The following RNF168 variants were observed in gnomAD, a reference collection of about 807,000 sequenced individuals.
RNF168 encodes ring finger protein 168.
A neutral mutation model predicts 34.9 loss-of-function variants in RNF168; 34 were observed. The ratio of observed to expected loss-of-function variants is 0.97; its 90% CI spans 0.74 to 1.30. RNF168 has a LOEUF of 1.30. Among genes scored for constraint, RNF168 ranks in the 50% most tolerant of loss-of-function variants. The pLI is 0.00. For missense variants in RNF168, 725 were observed against 682.5 expected, an observed-to-expected ratio of 1.06 and a Z score of -0.69; for synonymous variants, 264 against 254.7, an observed-to-expected ratio of 1.04 and a Z score of -0.35.
intron 5 of RNF168, among the ~76,000 whole-genome samples, chr3:196,474,502 C>T (rs1367140040): frequency 2.0e-5 from 3 of 146,600 alleles, no homozygotes; most frequent in Non-Finnish European, 4.5e-5. Flanking sequence ...GGCTGGAGGG[C>T]AACGGCACGA....
chr3:196,485,489 CAA>C (rs63692263), intron 3 of RNF168, among the ~76,000 whole-genome samples: 77 of 145,470 alleles, frequency 5.3e-4, no homozygotes, highest in Non-Finnish European at 5.3e-4. Flanking sequence ...ACTCTTGTCT[CAA>C]AAAAAAAAAA....
rs1321371336 is a variant in RNF168, at chr3:196,469,700, AG to A, written c.*2118del. On this transcript the variant is annotated 3_prime_UTR_variant, in exon 6 of 6. Transcript: ENST00000318037. ...CTGATTTAACTTTCAGGAGTAAGAA[AG>A]GGCAAAACCCAAGCACCATACTTTC... The A allele has an allele frequency of 6.6e-6, 1 of 152,334 alleles. No homozygotes were observed. Among genetic ancestry groups the A allele is most frequent in the Admixed American group, 6.5e-5 (1 of 15,304 alleles). 9.4% of individuals were successfully genotyped at this position (152,334 alleles called of 1,614,324 possible). A position where few individuals can be genotyped will look rare whatever the true frequency, so the allele number is the denominator to read the frequency against.
At chr3:196,482,818 T>C (rs992107610) in intron 4 of RNF168, among the ~76,000 whole-genome samples, 3 of 152,226 alleles carry the variant, frequency 2.0e-5, no homozygotes, top group Admixed American at 2.0e-4. Context: ...TTATAAGAGT[T>C]TTCATATATT....
rs773735709 is a variant in RNF168 at position 196,472,564 on chromosome 3, T to G, written c.971A>C (p.Glu324Ala). The G allele has an allele frequency of 5.6e-6, 9 of 1,614,122 alleles. No homozygotes were observed. In the East Asian group the frequency reaches 1.8e-4, roughly 32 times the overall value. The change falls in exon 6 of 6, where the codon GAG (glutamate) becomes GCG (alanine). Residue 324 changes from glutamate (E) to alanine (A), a missense_variant. Coordinates refer to ENST00000318037, the MANE Select transcript of RNF168 (RefSeq NM_152617.4). ...VKTRPSNHGK[E>A]LCVLSHERPK... ...TCGCTCGTGACTTAAGACACATAAC[T>G]CTTTCCCATGATTGCTTGGTCTTGT...
intron 1 of RNF168, 101 bp downstream of exon 1, chr3:196,502,772 G>C (rs1020996867): frequency 1.0e-6 from 1 of 996,024 alleles, no homozygotes; most frequent in African/African-American, 1.6e-5. Flanking sequence ...AATACTAGTC[G>C]GGTTTTTTGG....
chr3:196,500,519 G>C (rs1327406224), intron 1 of RNF168, among the ~76,000 whole-genome samples: 1 of 152,168 alleles, frequency 6.6e-6, no homozygotes, highest in Admixed American at 6.5e-5. Flanking sequence ...GGAACGGTGA[G>C]CCTCAAGGGT....
At chr3:196,484,639 G>T (rs950517931) in intron 3 of RNF168, among the ~76,000 whole-genome samples, 1 of 151,806 alleles carries the variant, frequency 6.6e-6, no homozygotes, top group Admixed American at 6.6e-5. Context: ...GAGCCACCAG[G>T]CTTGGTTAGG....
intron 4 of RNF168, among the ~76,000 whole-genome samples, chr3:196,481,027 A>G (rs1732274344): frequency 6.6e-6 from 1 of 152,138 alleles, no homozygotes; most frequent in Admixed American, 6.5e-5. Flanking sequence ...ACATTTTACA[A>G]TTGACTTTTT....
At chr3:196,491,149 C>A (rs1004446800) in intron 1 of RNF168, among the ~76,000 whole-genome samples, 12 of 151,902 alleles carry the variant, frequency 7.9e-5, no homozygotes, top group African/African-American at 2.4e-4. Flanking sequence ...CCCGTCTATA[C>A]TAAGAATACA....
rs560054168 is a variant in RNF168, at chr3:196,481,600, A to C, written c.680+2170T>G. 4.6e-5 allele frequency among the ~76,000 whole-genome samples: 7 copies of C among 151,588 alleles called. No homozygotes were observed. The South Asian group carries it at 1.5e-3, about 32-fold the overall frequency. ...TATTTCATATTTATACAGCTAATTG[A>C]ATAACTTACAGTGATTCATTTTCTA... On this transcript the variant is annotated intron_variant, in intron 4 of 5. Transcript: ENST00000318037.
Position 196,503,237 on chromosome 3 carries a change from C to G in RNF168, c.-64G>C, listed in dbSNP as rs1732948094. The G allele has an allele frequency of 6.9e-7, 1 of 1,454,776 alleles. No individual in the cohort carries two copies. Among genetic ancestry groups the G allele is most frequent in the South Asian group, 1.2e-5 (1 of 86,864 alleles). 90.1% of individuals were successfully genotyped at this position (1,454,776 alleles called of 1,614,324 possible). A position where few individuals can be genotyped will look rare whatever the true frequency, so the allele number is the denominator to read the frequency against. On this transcript the variant is annotated 5_prime_UTR_variant, in exon 1 of 6. Coordinates refer to ENST00000318037, the MANE Select transcript of RNF168 (RefSeq NM_152617.4). ...GCACGAAAAAGAATCCTATTTTCGG[C>G]CAACCACAGAGAGAGCAAAAGCAGT... is the stretch of plus-strand genomic sequence containing the variant.
chr3:196,475,324 GT>G lies in RNF168; in HGVS notation c.681-13del. On this transcript the variant is annotated splice_polypyrimidine_tract_variant and intron_variant, in intron 4 of 5. Coordinates refer to ENST00000318037, the MANE Select transcript of RNF168 (RefSeq NM_152617.4). Reference sequence around the variant, plus strand: ...TCGGTGTCAAATACCTAAAAGAAAAGTTTACCAAAGTTTCAATGCTTTCAAA... The same window carrying G: ...TCGGTGTCAAATACCTAAAAGAAAAGTTACCAAAGTTTCAATGCTTTCAAA... 6.6e-7 allele frequency: 1 copy of G among 1,508,880 alleles called. No individual in the cohort carries two copies. The highest frequency in any genetic ancestry group is 9.2e-7 in the Non-Finnish European group (1 of 1,084,262). The allele number at this position is 1,508,880 out of a possible 1,614,324, so 93.5% of individuals were successfully genotyped here.
intron 2 of RNF168, among the ~76,000 whole-genome samples, chr3:196,487,928 G>C (rs1732497605): frequency 6.6e-6 from 1 of 152,056 alleles, no homozygotes; most frequent in Non-Finnish European, 1.5e-5. Context: ...CTGCTTTTTA[G>C]GTACTTTTCC....
At chr3:196,500,604 G>A (rs961525759) in intron 1 of RNF168, among the ~76,000 whole-genome samples, 1 of 152,200 alleles carries the variant, frequency 6.6e-6, no homozygotes, top group African/African-American at 2.4e-5. Context: ...AGTGTGAACG[G>A]AGGCGATGCC....
At position 196,475,314 on chromosome 3, in the gene RNF168, T is replaced by A; in HGVS notation, c.681-2A>T. The A allele has an allele frequency of 6.3e-7, 1 of 1,588,892 alleles. No homozygotes were observed. The highest frequency in any genetic ancestry group is 8.6e-7 in the Non-Finnish European group (1 of 1,157,082). On this transcript the variant is annotated splice_acceptor_variant, in intron 4 of 5. Transcript: ENST00000318037. LOFTEE classifies it high-confidence loss of function. Reference sequence around the variant, plus strand: ...AACTGAGATTTCGGTGTCAAATACCTAAAAGAAAAGTTTACCAAAGTTTCA... The same window carrying A: ...AACTGAGATTTCGGTGTCAAATACCAAAAAGAAAAGTTTACCAAAGTTTCA...
Position 196,479,606 on chromosome 3 carries a change from CT to C in RNF168, c.680+4163del, listed in dbSNP as rs144592329. On this transcript the variant is annotated intron_variant, in intron 4 of 5. Coordinates refer to ENST00000318037, the MANE Select transcript of RNF168 (RefSeq NM_152617.4). ...ATGAGCCAACACACCCAGCCTCACGCTTTTTTTTTTGAGACGGACTATCGCC... is the reference window on the plus strand; with the variant it reads ...ATGAGCCAACACACCCAGCCTCACGCTTTTTTTTTGAGACGGACTATCGCC... Among the ~76,000 whole-genome samples the C allele has an allele frequency of 1.8e-4, 26 of 148,220 alleles. No homozygotes were observed. In the East Asian group the frequency reaches 3.0e-3, roughly 17 times the overall value.
chr3:196,490,130 G>C (rs1732558134), intron 1 of RNF168, among the ~76,000 whole-genome samples: 1 of 152,070 alleles, frequency 6.6e-6, no homozygotes, highest in African/African-American at 2.4e-5. Context: ...GCTAATCCAA[G>C]GATCGTCAGA....
intron 4 of RNF168, among the ~76,000 whole-genome samples, chr3:196,479,530 G>A (rs914335943): frequency 1.3e-5 from 2 of 151,000 alleles, no homozygotes; most frequent in Non-Finnish European, 3.0e-5. Context: ...CAAACTCCTA[G>A]GCTCAAGTGA....
intron 3 of RNF168, among the ~76,000 whole-genome samples, chr3:196,485,522 A>G (rs1465522716): frequency 6.6e-6 from 1 of 151,988 alleles, no homozygotes; most frequent in Non-Finnish European, 1.5e-5. Flanking sequence ...ATTATTCTAC[A>G]GTATCAATAA....
Sources: gnomAD v4.1 joint callset for allele counts (sites outside exome capture counted in the v4.1 genomes callset) on GRCh38, gnomAD v4.1.1 for gene constraint, MANE v1.5 for transcripts, NCBI Gene and HGNC (gene_info 2026-07-23, HGNC 2026-07-21) for gene names.